The following MAP4 variants were observed in gnomAD, a reference collection of about 807,000 sequenced individuals.
The protein encoded by MAP4 is microtubule-associated protein 4.
In MAP4, 76 loss-of-function variants were observed where a neutral mutation model predicts 170.2. The ratio of observed to expected loss-of-function variants is 0.45; its 90% confidence interval spans 0.37 to 0.54. The LOEUF is 0.54. Among genes scored for constraint, MAP4 ranks in the 20% least tolerant of loss-of-function variants. MAP4 has a pLI of 0.00. For missense variants in MAP4, 2,506 were observed against 2,748.0 expected, an observed-to-expected ratio of 0.91 and a Z score of 1.97; for synonymous variants, 909 against 994.5, an observed-to-expected ratio of 0.91 and a Z score of 1.62.
chr3:48,006,922 G>A lies in MAP4; in HGVS notation c.-19-8043C>T, dbSNP rs921169023. ...TACCTGCTATGCAGCCACTGACTCT[G>A]CAAATGCCTTTTTCTCTATTCCTGT... On this transcript the variant is annotated intron_variant, in intron 1 of 20. Transcript: ENST00000683076. Among the ~76,000 whole-genome samples, 9 of 152,230 alleles carry A rather than the reference G, an allele frequency of 5.9e-5. No homozygotes were observed. In the East Asian group the frequency reaches 1.7e-3, roughly 29 times the overall value.
intron 1 of MAP4, among the ~76,000 whole-genome samples, chr3:48,030,215 CCT>C (rs2100115311): frequency 6.6e-6 from 1 of 150,684 alleles, no homozygotes; most frequent in Non-Finnish European, 1.5e-5. Context: ...ACAGTGAGAC[CCT>C]GTCTCAATTA....
intron 1 of MAP4, among the ~76,000 whole-genome samples, chr3:48,069,321 C>T (rs1248080917): frequency 1.3e-5 from 2 of 152,134 alleles, no homozygotes; most frequent in East Asian, 3.8e-4. Flanking sequence ...GAAGGTCACC[C>T]ATCCCAGTCA....
At chr3:47,881,446 CTATATATATATATATATATATATA>C (rs56923064) in intron 10 of MAP4, among the ~76,000 whole-genome samples, 7,231 of 49,502 alleles carry the variant, frequency 0.15, 894 homozygotes, top group East Asian at 0.33. Flanking sequence ...GAAAAAACAA[CTATATATATATATATATATATATA>C]TATATATATA....
In MAP4 at chr3:47,911,682, T is replaced by C; in HGVS notation, c.2739A>G (p.Val913=). The C allele has an allele frequency of 6.5e-7, 1 of 1,536,172 alleles. No individual in the cohort carries two copies. Among genetic ancestry groups the C allele is most frequent in the Non-Finnish European group, 8.7e-7 (1 of 1,146,912 alleles). Residue 913 remains valine, a synonymous_variant, in exon 9 of 21, where the codon GTA becomes GTG. Transcript: ENST00000683076. The surrounding 1 kb of genome is among the most constrained non-coding windows in gnomAD (Gnocchi z 4.0). ...GAGGGCCTACTGACTGGCTTTTATC[T>C]ACAGGAGTCTTCAGGTGGGGTGCAG... is the stretch of plus-strand genomic sequence containing the variant. ...PQPAPHLKTP[V]DKSQSVGPLN...
intron 2 of MAP4, among the ~76,000 whole-genome samples, chr3:47,988,110 C>A (rs573007237): frequency 6.6e-6 from 1 of 151,420 alleles, no homozygotes; most frequent in African/African-American, 2.4e-5. Flanking sequence ...AGGAGAATGG[C>A]GTGAACCCGG....
chr3:48,033,376 T>C (rs1387372043), intron 1 of MAP4, among the ~76,000 whole-genome samples: 1 of 152,230 alleles, frequency 6.6e-6, no homozygotes, highest in Non-Finnish European at 1.5e-5. Flanking sequence ...GTTATCGCAC[T>C]ATGCTTCTAC....
At chr3:48,075,307 T>C (rs1283259993) in intron 1 of MAP4, among the ~76,000 whole-genome samples, 1 of 151,734 alleles carries the variant, frequency 6.6e-6, no homozygotes, top group East Asian at 1.9e-4. Flanking sequence ...GGCGGATCAC[T>C]TGAGGTCAGG....
intron 1 of MAP4, among the ~76,000 whole-genome samples, chr3:48,035,258 G>T (rs2100118224): frequency 7.0e-6 from 1 of 143,196 alleles, no homozygotes; most frequent in Non-Finnish European, 1.5e-5. Context: ...TTCAGTGGGA[G>T]ATGCAATATA....
At chr3:48,077,515 T>A (rs942713267) in intron 1 of MAP4, among the ~76,000 whole-genome samples, 6 of 151,818 alleles carry the variant, frequency 4.0e-5, no homozygotes, top group African/African-American at 1.2e-4. Flanking sequence ...TTTTTTTTTT[T>A]ATAGAGACAG....
intron 3 of MAP4, among the ~76,000 whole-genome samples, chr3:47,951,561 G>C (rs1037501092): frequency 6.6e-6 from 1 of 152,194 alleles, no homozygotes; most frequent in Non-Finnish European, 1.5e-5. Context: ...TGTGTTGGCC[G>C]GGCTGGTCTC....
At chr3:48,052,365 C>T (rs1028393523) in intron 1 of MAP4, among the ~76,000 whole-genome samples, 3 of 152,082 alleles carry the variant, frequency 2.0e-5, no homozygotes, top group Non-Finnish European at 4.4e-5. Context: ...GGATTATAGG[C>T]GTGCACTATC....
intron 1 of MAP4, among the ~76,000 whole-genome samples, chr3:48,043,335 A>G (rs148201284): frequency 2.2e-3 from 334 of 152,272 alleles, no homozygotes; most frequent in African/African-American, 7.8e-3. Context: ...TCCTGGCCTC[A>G]AGTGATCTAC....
chr3:48,085,233 T>C (rs1223666829), intron 1 of MAP4, among the ~76,000 whole-genome samples: 1 of 141,922 alleles, frequency 7.0e-6, no homozygotes, highest in African/African-American at 2.6e-5. Flanking sequence ...CCAAAAACTG[T>C]CAAGAGCAAA....
chr3:48,078,801 T>C (rs1431640851), intron 1 of MAP4, among the ~76,000 whole-genome samples: 1 of 152,160 alleles, frequency 6.6e-6, no homozygotes, highest in Non-Finnish European at 1.5e-5. Flanking sequence ...AGAGTCCTAC[T>C]AGTGGATTTC....
At chr3:48,001,355 T>C (rs971913900) in intron 1 of MAP4, among the ~76,000 whole-genome samples, 10 of 152,234 alleles carry the variant, frequency 6.6e-5, no homozygotes, top group African/African-American at 2.4e-4. Context: ...TATATTTATA[T>C]AGACTTCCAA....
At position 47,872,134 on chromosome 3, in the gene MAP4, G is replaced by A. The variant is rs763434846; in HGVS notation, c.5758-34C>T. ...AGGAAAGTGGGAATGAGGCCTGCAG[G>A]TCAGCAATAGCCCCAAGGAGTCACG... On this transcript the variant is annotated intron_variant, in intron 12 of 20. Coordinates refer to ENST00000683076, the MANE Select transcript of MAP4 (RefSeq NM_001385682.1). The A allele has an allele frequency of 1.1e-5, 17 of 1,562,090 alleles. No homozygotes were observed. The Admixed American group carries it at 2.8e-4, about 25-fold the overall frequency.
intron 1 of MAP4, among the ~76,000 whole-genome samples, chr3:48,037,306 AT>A (rs1444602918): frequency 6.6e-6 from 1 of 152,148 alleles, no homozygotes; most frequent in East Asian, 1.9e-4. Context: ...TAAATCAAAA[AT>A]GATTTATATC....
intron 3 of MAP4, among the ~76,000 whole-genome samples, chr3:47,959,695 C>G (rs1333685179): frequency 7.0e-6 from 1 of 143,864 alleles, no homozygotes; most frequent in Non-Finnish European, 1.5e-5. Flanking sequence ...GGAGGTGGAG[C>G]ATGCAGTGAG....
chr3:48,051,990 T>C (rs905346700), intron 1 of MAP4, among the ~76,000 whole-genome samples: 2 of 152,186 alleles, frequency 1.3e-5, no homozygotes, highest in African/African-American at 2.4e-5. Context: ...AGAAAATTGT[T>C]ATGAGAGGTT....
Sources: gnomAD v4.1 joint callset for allele counts (sites outside exome capture counted in the v4.1 genomes callset) on GRCh38, gnomAD v4.1.1 for gene constraint, Gnocchi (gnomAD v3.1) non-coding constraint, MANE v1.5 for transcripts, NCBI Gene and HGNC (gene_info 2026-07-23, HGNC 2026-07-21) for gene names.